Variants in DAB1 observed in about 807,000 individuals in gnomAD.
DAB1 encodes the protein DAB adaptor protein 1.
In DAB1, 15 loss-of-function variants were observed where a neutral mutation model predicts 64.6. That is an observed-to-expected ratio of 0.23 (90% CI 0.16 to 0.36). The LOEUF is 0.36. Among genes scored for constraint, DAB1 ranks in the 10% least tolerant of loss-of-function variants. The probability of loss-of-function intolerance (pLI) is 1.00; values close to 1 mark genes in which losing one functional copy is unlikely to be tolerated. For missense variants in DAB1, 596 were observed against 706.7 expected, an observed-to-expected ratio of 0.84 and a Z score of 1.78; for synonymous variants, 235 against 251.9, an observed-to-expected ratio of 0.93 and a Z score of 0.64.
chr1:58,065,274 G>A (rs572527213), intron 5 of DAB1, among the ~76,000 whole-genome samples: 17 of 152,264 alleles, frequency 1.1e-4, no homozygotes, highest in African/African-American at 3.6e-4. Context: ...AGCTTCAAAT[G>A]CAGGGTGAAT....
intron 7 of DAB1, among the ~76,000 whole-genome samples, chr1:57,507,728 C>T (rs544934713): frequency 6.6e-5 from 10 of 152,162 alleles, no homozygotes; most frequent in Non-Finnish European, 1.3e-4. Context: ...AATGGGCTTC[C>T]GCATTTACAA....
At chr1:58,282,588 AT>A (rs1661587394) in intron 4 of DAB1, among the ~76,000 whole-genome samples, 1 of 135,830 alleles carries the variant, frequency 7.4e-6, no homozygotes. Flanking sequence ...TATAAGGGCC[AT>A]TTTCAGCCTT....
chr1:57,373,071 C>T (rs1034549050), intron 1 of DAB1, among the ~76,000 whole-genome samples: 10 of 152,010 alleles, frequency 6.6e-5, no homozygotes. Flanking sequence ...GTAGTCTCAG[C>T]TACTCTGGGA....
intron 7 of DAB1, among the ~76,000 whole-genome samples, chr1:57,588,455 G>C (rs1017735543): frequency 6.6e-6 from 1 of 152,140 alleles, no homozygotes; most frequent in Non-Finnish European, 1.5e-5. Flanking sequence ...TGATCAAAAC[G>C]ATTAATGACA....
intron 4 of DAB1, among the ~76,000 whole-genome samples, chr1:58,321,903 G>A (rs1569640434): frequency 6.6e-6 from 1 of 152,236 alleles, no homozygotes; most frequent in East Asian, 1.9e-4. Flanking sequence ...GCTCTGAAGA[G>A]AGCAGTGGTT....
intron 2 of DAB1, among the ~76,000 whole-genome samples, chr1:57,206,036 C>T (rs920496824): frequency 2.6e-5 from 4 of 152,122 alleles, no homozygotes; most frequent in African/African-American, 9.7e-5. Context: ...GTACATTTTT[C>T]AACAAGTATA....
At chr1:57,587,859 T>C (rs2101564713) in intron 7 of DAB1, among the ~76,000 whole-genome samples, 1 of 152,318 alleles carries the variant, frequency 6.6e-6, no homozygotes, top group Middle Eastern at 3.4e-3. Flanking sequence ...TCATGCTGTG[T>C]GAGCAGCCTA....
At chr1:58,215,610 T>C (rs532338342) in intron 4 of DAB1, among the ~76,000 whole-genome samples, 137 of 152,282 alleles carry the variant, frequency 9.0e-4, no homozygotes, top group Middle Eastern at 3.4e-3. Context: ...ATAAAGGTTT[T>C]CAAGTGATTC....
At chr1:57,439,418 G>A (rs1032655098) in intron 7 of DAB1, among the ~76,000 whole-genome samples, 1 of 116,140 alleles carries the variant, frequency 8.6e-6, no homozygotes. Context: ...TGGTGATGAG[G>A]TTTTTTCTTT....
chr1:57,032,429 A>G lies in DAB1; in HGVS notation c.724-6386T>C, dbSNP rs6656406. ...GGGTTATGAAAGAAGAGGCCATCTC[A>G]GGGTCTGACATGTGCTCCTCCTCCC... On this transcript the variant is annotated intron_variant, in intron 9 of 14. Coordinates refer to ENST00000371236, the MANE Select transcript of DAB1 (RefSeq NM_001365792.1). Among the ~76,000 whole-genome samples, 1,226 of 152,244 alleles carry G rather than the reference A, an allele frequency of 8.1e-3. 21 individuals carry two copies. The highest frequency in any genetic ancestry group is 0.028 in the African/African-American group (1,145 of 41,544).
intron 2 of DAB1, among the ~76,000 whole-genome samples, chr1:57,231,233 A>C (rs1667652588): frequency 6.6e-6 from 1 of 152,242 alleles, no homozygotes; most frequent in African/African-American, 2.4e-5. Flanking sequence ...AAGTATCTTC[A>C]AAATACTTGA....
chr1:57,534,882 T>G (rs978946342), intron 7 of DAB1, among the ~76,000 whole-genome samples: 35 of 152,316 alleles, frequency 2.3e-4, no homozygotes, highest in African/African-American at 4.6e-4. Flanking sequence ...GGATCCTCAC[T>G]GTGCTGCAAA....
At chr1:58,202,317 T>C (rs1330133329) in intron 4 of DAB1, among the ~76,000 whole-genome samples, 2 of 152,238 alleles carry the variant, frequency 1.3e-5, no homozygotes, top group Non-Finnish European at 2.9e-5. Context: ...TGGTTTAAGA[T>C]AGTAATTGCC....
chr1:57,079,867 ACT>A lies in DAB1; in HGVS notation c.307-7455_307-7454del, dbSNP rs553110003. ...GGTTCCCATGACGCAAGTCCTCTCT[ACT>A]TCCTCGACTTTTCCACTGGGAGTGG... On this transcript the variant is annotated intron_variant, in intron 4 of 14. Coordinates refer to ENST00000371236, the MANE Select transcript of DAB1 (RefSeq NM_001365792.1). 1.3e-3 allele frequency among the ~76,000 whole-genome samples: 194 copies of A among 151,986 alleles called. 1 individual carries two copies. Among genetic ancestry groups the A allele is most frequent in the African/African-American group, 4.6e-3 (189 of 41,444 alleles).
At chr1:57,552,563 G>A (rs1188648095) in intron 7 of DAB1, among the ~76,000 whole-genome samples, 2 of 152,202 alleles carry the variant, frequency 1.3e-5, no homozygotes, top group Non-Finnish European at 2.9e-5. Context: ...AGTTTCAGAT[G>A]AGCAGGGATC....
intron 7 of DAB1, among the ~76,000 whole-genome samples, chr1:57,525,386 G>A (rs1015414783): frequency 6.6e-6 from 1 of 151,926 alleles, no homozygotes; most frequent in Non-Finnish European, 1.5e-5. Flanking sequence ...GTACTCAAGA[G>A]ATCTGTTGAA....
Position 57,157,766 on chromosome 1 carries a change from T to C in DAB1, c.68-12337A>G, listed in dbSNP as rs1188161312. Among the ~76,000 whole-genome samples, 3 of 152,130 alleles carry C rather than the reference T, an allele frequency of 2.0e-5. No individual in the cohort carries two copies. In the East Asian group the frequency reaches 5.8e-4, roughly 29 times the overall value. ...TATTAATATTGGGGAGACACAAACA[T>C]ACGATCCATAATGGGGGCTAGAATT... On this transcript the variant is annotated intron_variant, in intron 2 of 14. Transcript: ENST00000371236.
intron 4 of DAB1, among the ~76,000 whole-genome samples, chr1:57,130,128 T>C (rs1657522032): frequency 6.6e-6 from 1 of 151,628 alleles, no homozygotes; most frequent in East Asian, 2.0e-4. Context: ...GAAGATGAAG[T>C]AGGGACATCA....
At chr1:57,389,706 G>A (rs1266171960) in intron 1 of DAB1, among the ~76,000 whole-genome samples, 1 of 152,146 alleles carries the variant, frequency 6.6e-6, no homozygotes, top group East Asian at 1.9e-4. Flanking sequence ...GGTACAATTT[G>A]TGACCAATAG....
Sources: gnomAD v4.1 joint callset for allele counts (sites outside exome capture counted in the v4.1 genomes callset) on GRCh38, gnomAD v4.1.1 for gene constraint, MANE v1.5 for transcripts, NCBI Gene and HGNC (gene_info 2026-07-23, HGNC 2026-07-21) for gene names.